SHFL: variants seen among roughly 807,000 people sequenced by gnomAD.
SHFL encodes the protein shiftless antiviral inhibitor of ribosomal frameshifting, also known as shiftless antiviral inhibitor of ribosomal frameshifting protein.
Under a neutral mutation model 34.7 loss-of-function variants are expected in SHFL, and 12 were observed. The ratio of observed to expected loss-of-function variants is 0.35; its 90% CI spans 0.22 to 0.56. The LOEUF (loss-of-function observed/expected upper bound fraction) is 0.56, where lower values mean the gene tolerates loss of function less well. SHFL is among the 20% of genes least tolerant of loss of function. SHFL has a pLI of 0.88. For synonymous variants in SHFL, 148 were observed against 156.0 expected (o/e 0.95, Z 0.38); for missense variants, 278 against 411.1 (o/e 0.68, Z 2.80).
chr19:10,089,913 C>T lies in SHFL; in HGVS notation c.250C>T (p.Leu84Phe). 1 of 1,611,844 alleles carries T rather than the reference C, an allele frequency of 6.2e-7. No individual in the cohort carries two copies. Among genetic ancestry groups the T allele is most frequent in the Non-Finnish European group, 8.5e-7 (1 of 1,179,192 alleles). The change falls in exon 5 of 8, where the codon CTC becomes TTC. Residue 84 changes from leucine (L) to phenylalanine (F), a missense_variant. Coordinates refer to ENST00000253110, the MANE Select transcript of SHFL (RefSeq NM_018381.4). ...DRDIQAVATS[L>F]LPLTEANLRM... ...CATTCCACAGGCAGTGGCGACCTCC[C>T]TCCTGCCACTGACAGAAGCCAACCT...
Position 10,091,412 on chromosome 19 carries a change from C to A in SHFL, c.488+59C>A. The stretch of plus-strand genomic sequence containing the variant: ...CTGCCCTACCCCAGCCCTGCCCCTC[C>A]CTGCCCTGGCCCCACCCTGGCCCAG... On this transcript the variant is annotated intron_variant, in intron 6 of 7. Transcript: ENST00000253110. This position sits in a 1 kb window ranked among gnomAD's most constrained non-coding sequence, Gnocchi z 8.2. 6.4e-7 allele frequency: 1 copy of A among 1,567,460 alleles called. No homozygotes were observed.
At position 10,092,261 on chromosome 19, in the gene SHFL, G is replaced by A; in HGVS notation, c.835G>A (p.Glu279Lys). Residue 279 changes from glutamate to lysine, a missense_variant, in exon 8 of 8, where the codon GAG becomes AAG. Around this residue, in one of 2 missense-constraint regions of SHFL, gnomAD observed 35 missense variants for 24.9 expected, o/e 1.41. Coordinates refer to ENST00000253110, the MANE Select transcript of SHFL (RefSeq NM_018381.4). ...GGACCTGAAGGAGGAGGAGGAGGAA[G>A]AGGAGGAGGTGGAGGACGAGGAGGG... ...LEDLKEEEEE[E>K]EEVEDEEGGP... 1 of 1,605,902 alleles carries A rather than the reference G, an allele frequency of 6.2e-7. No homozygotes were observed. The highest frequency in any genetic ancestry group is 8.5e-7 in the Non-Finnish European group (1 of 1,176,284).
chr19:10,087,664 A>G (rs2088309561), intron 3 of SHFL: 1 of 267,496 alleles, frequency 3.7e-6, no homozygotes, highest in African/African-American at 2.3e-5. Flanking sequence ...CTGGGAGGGG[A>G]AAGGGAAAGA....
intron 3 of SHFL, chr19:10,089,414 A>G: frequency 6.3e-7 from 1 of 1,594,446 alleles, no homozygotes; most frequent in Non-Finnish European, 8.5e-7. Context: ...CACTCAGGCA[A>G]GCCCTCCCCT....
At chr19:10,089,626 C>A in intron 3 of SHFL, 31 bp from the exon 4 acceptor site, 1 of 1,576,336 alleles carries the variant, frequency 6.3e-7, no homozygotes, top group Non-Finnish European at 8.6e-7. Flanking sequence ...GAGCCCCATC[C>A]CCAGTTTCTG....
At chr19:10,087,223 C>A (rs2088302993) in intron 2 of SHFL, 28 bp from the exon 3 acceptor site, 1 of 1,613,692 alleles carries the variant, frequency 6.2e-7, no homozygotes, top group Admixed American at 1.7e-5. Context: ...TTCAAGGGCC[C>A]TTCCCTTATA....
chr19:10,087,388 C>T (rs1217833210), intron 3 of SHFL, 88 bp downstream of exon 3: 4 of 1,416,694 alleles, frequency 2.8e-6, no homozygotes, highest in Non-Finnish European at 4.0e-6. Context: ...GACTGACCCC[C>T]CTCTGAAACA....
intron 3 of SHFL, chr19:10,089,250 C>A (rs2088340666): frequency 1.3e-6 from 2 of 1,538,114 alleles, no homozygotes; most frequent in Admixed American, 1.8e-5. Flanking sequence ...TTGCCCAAGT[C>A]CCCACAGCTG....
chr19:10,092,187 G>A lies in SHFL; in HGVS notation c.761G>A (p.Cys254Tyr). ...AGCAGTGGCTCCACTGTGGCCACCT[G>A]CTTGAGCCAGGGTGGCCTCCTGGAA... ...HISSGSTVAT[C>Y]LSQGGLLEDL... is the part of the protein sequence containing the mutation. The change falls in exon 8 of 8, where the codon TGC becomes TAC. Residue 254 changes from cysteine (C) to tyrosine (Y), a missense_variant. Cys to Tyr is a radical substitution (Grantham distance 194). Transcript: ENST00000253110. The A allele has an allele frequency of 6.2e-7, 1 of 1,613,668 alleles. No homozygotes were observed. Among genetic ancestry groups the A allele is most frequent in the Non-Finnish European group, 8.5e-7 (1 of 1,179,740 alleles).
In SHFL at chr19:10,086,702, C is replaced by G. The variant is rs1227200900; in HGVS notation, c.22-227C>G. 4.9e-6 allele frequency: 3 copies of G among 613,788 alleles called. No individual in the cohort carries two copies. The highest frequency in any genetic ancestry group is 3.1e-5 in the Admixed American group (1 of 32,732). The allele number at this position is 613,788 out of a possible 1,614,324, so 38.0% of individuals were successfully genotyped here. A position where few individuals can be genotyped will look rare whatever the true frequency, so the allele number is the denominator to read the frequency against. On this transcript the variant is annotated intron_variant, in intron 1 of 7. Coordinates refer to ENST00000253110, the MANE Select transcript of SHFL (RefSeq NM_018381.4). This position sits in a 1 kb window ranked among gnomAD's most constrained non-coding sequence, Gnocchi z 5.2. ...AGGCCAGAGATAACCTGGCCGCCCC[C>G]CCACACCTTAGGCTGGGACGCTCGC... is the stretch of plus-strand genomic sequence containing the variant.
Position 10,092,831 on chromosome 19 carries a change from C to T in SHFL, c.*529C>T. 6.9e-7 allele frequency: 1 copy of T among 1,459,312 alleles called. No individual in the cohort carries two copies. Among genetic ancestry groups the T allele is most frequent in the Non-Finnish European group, 9.2e-7 (1 of 1,083,746 alleles). 90.4% of individuals were successfully genotyped at this position (1,459,312 alleles called of 1,614,324 possible). On this transcript the variant is annotated 3_prime_UTR_variant, in exon 8 of 8. Coordinates refer to ENST00000253110, the MANE Select transcript of SHFL (RefSeq NM_018381.4). ...CTCTCACCAGAATAAAAGCCTCTAC[C>T]TGCACCTCACAGTGCAAGGCTTTTG... is the stretch of plus-strand genomic sequence containing the variant.
intron 3 of SHFL, among the ~76,000 whole-genome samples, chr19:10,088,539 AGCCT>A (rs2088328124): frequency 6.6e-6 from 1 of 152,240 alleles, no homozygotes; most frequent in Non-Finnish European, 1.5e-5. Flanking sequence ...ACTGCACTCC[AGCCT>A]GGGCAACAGA....
Position 10,086,335 on chromosome 19 carries a change from C to T in SHFL, c.-93C>T, listed in dbSNP as rs1420688333. ...CGGCCCCGAGGCACCGCCCCCTGCC[C>T]TGCGCGGCTGCTGGACCGACGGGCG... On this transcript the variant is annotated 5_prime_UTR_variant, in exon 1 of 8. Transcript: ENST00000253110. This position sits in a 1 kb window ranked among gnomAD's most constrained non-coding sequence, Gnocchi z 5.2. 1 of 1,172,502 alleles carries T rather than the reference C, an allele frequency of 8.5e-7. No individual in the cohort carries two copies. The highest frequency in any genetic ancestry group is 1.1e-6 in the Non-Finnish European group (1 of 920,326). 72.6% of individuals were successfully genotyped at this position (1,172,502 alleles called of 1,614,324 possible).
Position 10,092,349 on chromosome 19 carries a change from T to C in SHFL, c.*47T>C. 1 of 1,546,918 alleles carries C rather than the reference T, an allele frequency of 6.5e-7. No homozygotes were observed. The highest frequency in any genetic ancestry group is 8.7e-7 in the Non-Finnish European group (1 of 1,147,092). On this transcript the variant is annotated 3_prime_UTR_variant, in exon 8 of 8. Coordinates refer to ENST00000253110, the MANE Select transcript of SHFL (RefSeq NM_018381.4). ...AACCAGACACGGTCTGTGGCTACTT[T>C]GTGTTATTATAAGATATGAGCTCAA...
At chr19:10,089,799 G>A (rs2088349824) in intron 4 of SHFL, 99 bp from the exon 5 acceptor site, 4 of 1,557,440 alleles carry the variant, frequency 2.6e-6, no homozygotes, top group Non-Finnish European at 3.5e-6. Context: ...CACTGGGGCA[G>A]GAAGAGGACT....
chr19:10,093,039 T>C lies in SHFL; in HGVS notation c.*737T>C, dbSNP rs1184763829. The C allele has an allele frequency of 6.1e-6, 3 of 490,754 alleles. No homozygotes were observed. Among genetic ancestry groups the C allele is most frequent in the African/African-American group, 5.8e-5 (3 of 52,028 alleles). 30.4% of individuals were successfully genotyped at this position (490,754 alleles called of 1,614,324 possible). ...CCACCTTTTCTGCAAACTAGGAGTC[T>C]ACCGTTCATTCCTTTATCAAAGAAA... is the stretch of plus-strand genomic sequence containing the variant. On this transcript the variant is annotated 3_prime_UTR_variant, in exon 8 of 8. Transcript: ENST00000253110.
At position 10,092,559 on chromosome 19, in the gene SHFL, C is replaced by CA; in HGVS notation, c.*257_*258insA. On this transcript the variant is annotated 3_prime_UTR_variant, in exon 8 of 8. Coordinates refer to ENST00000253110, the MANE Select transcript of SHFL (RefSeq NM_018381.4). ...TTGGGCTCCTGCTGACCAATGTCCT[C>CA]TAGGGCCTAGGGGACAGAGGAACAC... The CA allele has an allele frequency of 1.3e-6, 2 of 1,576,926 alleles. No individual in the cohort carries two copies. Among genetic ancestry groups the CA allele is most frequent in the Non-Finnish European group, 1.7e-6 (2 of 1,157,406 alleles).
At position 10,091,917 on chromosome 19, in the gene SHFL, T is replaced by G; in HGVS notation, c.644-153T>G. Reference sequence around the variant, plus strand: ...GTGACCCCCATGTCCCCAGGTCTCCTGTATCTTCAACACCCCTGAATGTCC... The same window carrying G: ...GTGACCCCCATGTCCCCAGGTCTCCGGTATCTTCAACACCCCTGAATGTCC... On this transcript the variant is annotated intron_variant, in intron 7 of 7. Coordinates refer to ENST00000253110, the MANE Select transcript of SHFL (RefSeq NM_018381.4). This position sits in a 1 kb window ranked among gnomAD's most constrained non-coding sequence, Gnocchi z 8.2. 9.9e-7 allele frequency: 1 copy of G among 1,007,174 alleles called. No individual in the cohort carries two copies. The highest frequency in any genetic ancestry group is 2.6e-5 in the East Asian group (1 of 38,856). 62.4% of individuals were successfully genotyped at this position (1,007,174 alleles called of 1,614,324 possible).
In SHFL at chr19:10,086,487, C is replaced by A; in HGVS notation, c.21+39C>A. 1 of 1,349,296 alleles carries A rather than the reference C, an allele frequency of 7.4e-7. No homozygotes were observed. The highest frequency in any genetic ancestry group is 9.6e-7 in the Non-Finnish European group (1 of 1,044,436). The allele number at this position is 1,349,296 out of a possible 1,614,324, so 83.6% of individuals were successfully genotyped here. ...ACGGCTGGGCCGGGGTCAGCCGCGA[C>A]AGACCCCGAGGAGCGGCCGGGAGGC... is the stretch of plus-strand genomic sequence containing the variant. On this transcript the variant is annotated intron_variant, in intron 1 of 7. Transcript: ENST00000253110. The surrounding 1 kb of genome is among the most constrained non-coding windows in gnomAD (Gnocchi z 5.2).
Sources: allele counts gnomAD v4.1 joint callset (sites outside exome capture counted in the v4.1 genomes callset), GRCh38; gene constraint gnomAD v4.1.1; regional missense constraint gnomAD v4.1.1; non-coding constraint Gnocchi (gnomAD v3.1); transcripts MANE v1.5; gene names NCBI Gene and HGNC (gene_info 2026-07-23, HGNC 2026-07-21).